Variants in CD247 observed in about 807,000 individuals in gnomAD.
The protein encoded by CD247 is CD247 molecule, also known as T-cell surface glycoprotein CD3 zeta chain.
A neutral mutation model predicts 30.0 loss-of-function variants in CD247; 13 were observed. The ratio of observed to expected loss-of-function variants is 0.43; its 90% CI spans 0.28 to 0.69. The LOEUF is 0.69. Ranked by LOEUF, CD247 falls within the 30% of genes least tolerant of loss-of-function variation. The probability of loss-of-function intolerance (pLI) is 0.16; values close to 1 mark genes in which losing one functional copy is unlikely to be tolerated. For missense variants in CD247, 193 were observed against 212.6 expected (o/e 0.91, Z 0.57); for synonymous variants, 72 against 80.0 (o/e 0.90, Z 0.53).
At chr1:167,462,980 A>C (rs1025983581) in intron 1 of CD247, among the ~76,000 whole-genome samples, 1 of 152,092 alleles carries the variant, frequency 6.6e-6, no homozygotes, top group Admixed American at 6.5e-5. Context: ...CTGTCTCCTC[A>C]GATAGCCTTG....
At chr1:167,470,513 A>G (rs1258023483) in intron 1 of CD247, among the ~76,000 whole-genome samples, 21 of 150,330 alleles carry the variant, frequency 1.4e-4, no homozygotes, top group Non-Finnish European at 2.8e-4. Flanking sequence ...GTAAAAAAAA[A>G]AAAAAAAAAA....
At chr1:167,483,592 C>T (rs140497748) in intron 1 of CD247, among the ~76,000 whole-genome samples, 15 of 152,330 alleles carry the variant, frequency 9.8e-5, no homozygotes, top group African/African-American at 2.6e-4. Context: ...ATAGGCCACA[C>T]TCTCCCCATC....
At chr1:167,496,983 G>A (rs1654718467) in intron 1 of CD247, among the ~76,000 whole-genome samples, 1 of 152,208 alleles carries the variant, frequency 6.6e-6, no homozygotes, top group African/African-American at 2.4e-5. Flanking sequence ...ACTGCCAGGA[G>A]TGCATTCCAA....
intron 1 of CD247, among the ~76,000 whole-genome samples, chr1:167,484,098 T>C (rs1478211700): frequency 6.6e-6 from 1 of 152,168 alleles, no homozygotes; most frequent in Non-Finnish European, 1.5e-5. Context: ...GAGTGGAGAA[T>C]ACAAAATCGC....
intron 7 of CD247, 80 bp downstream of exon 7, chr1:167,432,943 AG>A: frequency 6.7e-7 from 1 of 1,503,090 alleles, no homozygotes; most frequent in Non-Finnish European, 9.3e-7. Flanking sequence ...TGGTGCCACC[AG>A]CAGGCAAAAT....
chr1:167,487,614 G>A (rs1005573072), intron 1 of CD247, among the ~76,000 whole-genome samples: 2 of 152,206 alleles, frequency 1.3e-5, no homozygotes. Context: ...CTATGAGGCA[G>A]GCACAACCCA....
rs77591583 is a variant in CD247, at chr1:167,510,625, G to C, written c.58+7783C>G. Among the ~76,000 whole-genome samples the C allele has an allele frequency of 2.3e-3, 345 of 152,342 alleles. 4 individuals are homozygous for C. The East Asian group carries it at 0.047, about 21-fold the overall frequency. ...CTTCTCTCCCATCATGCCCAGCCCA[G>C]ATGATGAAAGGGCAGGTCTAACTGA... On this transcript the variant is annotated intron_variant, in intron 1 of 7. Coordinates refer to ENST00000362089, the MANE Select transcript of CD247 (RefSeq NM_198053.3).
At position 167,495,699 on chromosome 1, in the gene CD247, C is replaced by T. The variant is rs546638257; in HGVS notation, c.58+22709G>A. ...ACCCCCAGAACTCAATACGTCTGAC[C>T]TCACCTCCTACTGGCCTTCCCCTCA... On this transcript the variant is annotated intron_variant, in intron 1 of 7. Transcript: ENST00000362089. 1.0e-4 allele frequency among the ~76,000 whole-genome samples: 15 copies of T among 143,972 alleles called. 1 individual carries two copies. The East Asian group carries it at 2.9e-3, about 28-fold the overall frequency. 94.5% of individuals were successfully genotyped at this position (143,972 alleles called of 152,430 possible).
At chr1:167,461,714 G>C (rs1653016948) in intron 1 of CD247, among the ~76,000 whole-genome samples, 1 of 152,102 alleles carries the variant, frequency 6.6e-6, no homozygotes, top group Non-Finnish European at 1.5e-5. Context: ...CGGCTGTGGT[G>C]GTGGGCGCCT....
At chr1:167,448,440 T>G in intron 1 of CD247, 1 of 985,370 alleles carries the variant, frequency 1.0e-6, no homozygotes, top group Non-Finnish European at 1.2e-6. Flanking sequence ...CAGGTCATAT[T>G]CTTGACTCTA....
At chr1:167,463,007 G>T (rs1004469827) in intron 1 of CD247, among the ~76,000 whole-genome samples, 1 of 152,148 alleles carries the variant, frequency 6.6e-6, no homozygotes, top group East Asian at 1.9e-4. Flanking sequence ...AGGTTACCTG[G>T]CATCCCTGGC....
At chr1:167,484,234 A>G (rs1394847569) in intron 1 of CD247, among the ~76,000 whole-genome samples, 1 of 151,408 alleles carries the variant, frequency 6.6e-6, no homozygotes, top group Non-Finnish European at 1.5e-5. Context: ...CACTTCCTTT[A>G]CCCCCAATCA....
chr1:167,502,801 G>A (rs892234126), intron 1 of CD247, among the ~76,000 whole-genome samples: 53 of 152,128 alleles, frequency 3.5e-4, no homozygotes, highest in Admixed American at 3.4e-3. Context: ...TTGGGATGAT[G>A]CATCTACAAG....
At chr1:167,510,274 C>G (rs1011508081) in intron 1 of CD247, among the ~76,000 whole-genome samples, 1 of 152,228 alleles carries the variant, frequency 6.6e-6, no homozygotes. Context: ...GTGCACCACA[C>G]ACACCAACAC....
chr1:167,489,276 G>T (rs1654340653), intron 1 of CD247, among the ~76,000 whole-genome samples: 1 of 152,046 alleles, frequency 6.6e-6, no homozygotes, highest in Non-Finnish European at 1.5e-5. Context: ...CACTCCAATA[G>T]CAAAAATAAA....
intron 1 of CD247, among the ~76,000 whole-genome samples, chr1:167,485,240 G>A (rs1305689397): frequency 2.6e-5 from 4 of 152,208 alleles, no homozygotes; most frequent in African/African-American, 4.8e-5. Context: ...CTTGCAGGGA[G>A]AGCAGCCAAC....
intron 1 of CD247, among the ~76,000 whole-genome samples, chr1:167,497,727 A>G (rs1307641422): frequency 1.3e-5 from 2 of 152,142 alleles, no homozygotes; most frequent in Non-Finnish European, 2.9e-5. Flanking sequence ...CAAGGAACAA[A>G]CTCAGTACTC....
At chr1:167,513,667 T>G (rs1435584267) in intron 1 of CD247, among the ~76,000 whole-genome samples, 2 of 152,252 alleles carry the variant, frequency 1.3e-5, no homozygotes, top group Non-Finnish European at 2.9e-5. Context: ...AGTTCATTAG[T>G]TAACAATCTC....
intron 1 of CD247, among the ~76,000 whole-genome samples, chr1:167,448,696 C>T (rs1273852613): frequency 6.6e-6 from 1 of 152,166 alleles, no homozygotes; most frequent in Non-Finnish European, 1.5e-5. Flanking sequence ...CACATCTCTA[C>T]TAAAAATACA....
Sources: allele counts gnomAD v4.1 joint callset (sites outside exome capture counted in the v4.1 genomes callset), GRCh38; gene constraint gnomAD v4.1.1; transcripts MANE v1.5; gene names NCBI Gene and HGNC (gene_info 2026-07-23, HGNC 2026-07-21).